Variants in MACROD2 observed in about 807,000 individuals in gnomAD.
The protein encoded by MACROD2 is ADP-ribose glycohydrolase MACROD2.
In MACROD2, 36 loss-of-function variants were observed where a neutral mutation model predicts 70.4. The observed-to-expected ratio is 0.51, with a 90% confidence interval of 0.39 to 0.68. The LOEUF (loss-of-function observed/expected upper bound fraction) is 0.68. MACROD2 is among the 30% of genes least tolerant of loss of function. The pLI, the probability that MACROD2 is intolerant of heterozygous loss-of-function variation, is 0.00. For synonymous variants in MACROD2, 172 were observed against 178.8 expected (o/e 0.96, Z 0.30); for missense variants, 496 against 538.4 (o/e 0.92, Z 0.78).
chr20:15,740,412 G>A (rs2051086885), intron 8 of MACROD2, among the ~76,000 whole-genome samples: 1 of 152,150 alleles, frequency 6.6e-6, no homozygotes, highest in African/African-American at 2.4e-5. Flanking sequence ...GAAGATGAGA[G>A]AGAAGACAGA....
chr20:14,173,803 C>G (rs1261976355), intron 3 of MACROD2, among the ~76,000 whole-genome samples: 1 of 152,186 alleles, frequency 6.6e-6, no homozygotes, highest in Non-Finnish European at 1.5e-5. Flanking sequence ...TGCTGTCCCA[C>G]AGGGTGCTCC....
intron 12 of MACROD2, among the ~76,000 whole-genome samples, chr20:15,939,246 G>A (rs2065713955): frequency 6.6e-6 from 1 of 152,172 alleles, no homozygotes; most frequent in Non-Finnish European, 1.5e-5. Flanking sequence ...TGGATGATGA[G>A]GCCATTTAGC....
At chr20:15,192,923 G>A (rs2145917122) in intron 5 of MACROD2, among the ~76,000 whole-genome samples, 1 of 152,302 alleles carries the variant, frequency 6.6e-6, no homozygotes, top group East Asian at 1.9e-4. Flanking sequence ...TAACTCCGCA[G>A]TGAATTTTTG....
intron 8 of MACROD2, among the ~76,000 whole-genome samples, chr20:15,672,225 A>C (rs370842053): frequency 6.6e-6 from 1 of 152,218 alleles, no homozygotes; most frequent in Admixed American, 6.5e-5. Context: ...ATTTATAATT[A>C]TATTAGCTTT....
At chr20:14,739,944 G>A (rs903473154) in intron 5 of MACROD2, among the ~76,000 whole-genome samples, 10 of 151,904 alleles carry the variant, frequency 6.6e-5, no homozygotes, top group African/African-American at 2.4e-4. Context: ...ATGTAAAGTA[G>A]GAATCTATAT....
chr20:15,732,574 T>C (rs2146952464), intron 8 of MACROD2, among the ~76,000 whole-genome samples: 1 of 152,352 alleles, frequency 6.6e-6, no homozygotes, highest in African/African-American at 2.4e-5. Context: ...TTTAATGAAT[T>C]AGAATAATTT....
chr20:15,822,254 C>A (rs549124158), intron 8 of MACROD2, among the ~76,000 whole-genome samples: 7 of 152,028 alleles, frequency 4.6e-5, no homozygotes, highest in African/African-American at 1.7e-4. Flanking sequence ...ACCTTTGTGG[C>A]GTACACTTAC....
intron 2 of MACROD2, among the ~76,000 whole-genome samples, chr20:14,016,206 T>G (rs1276305497): frequency 6.6e-6 from 1 of 152,226 alleles, no homozygotes; most frequent in East Asian, 1.9e-4. Context: ...TATAGATGCT[T>G]ATTGGCCATG....
intron 3 of MACROD2, chr20:14,337,524 C>A: frequency 2.5e-6 from 1 of 398,666 alleles, no homozygotes; most frequent in East Asian, 3.6e-5. Flanking sequence ...CCACACAAAG[C>A]CCACGGCAGC....
At chr20:14,159,157 G>A (rs1456581030) in intron 3 of MACROD2, among the ~76,000 whole-genome samples, 1 of 152,148 alleles carries the variant, frequency 6.6e-6, no homozygotes, top group Non-Finnish European at 1.5e-5. Flanking sequence ...AGAATCACTT[G>A]AACTCAGGAG....
intron 5 of MACROD2, among the ~76,000 whole-genome samples, chr20:15,044,273 GTTC>G (rs2075376584): frequency 1.3e-5 from 2 of 152,246 alleles, no homozygotes; most frequent in South Asian, 2.1e-4. Flanking sequence ...AACCAAAGAG[GTTC>G]TTCTTACTCC....
chr20:14,420,264 T>G (rs1253392984), intron 3 of MACROD2, among the ~76,000 whole-genome samples: 1 of 151,992 alleles, frequency 6.6e-6, no homozygotes, highest in African/African-American at 2.4e-5. Context: ...GGTAGTTCTA[T>G]GTTTAACTTT....
Position 15,348,373 on chromosome 20 carries a change from T to C in MACROD2, c.541-83032T>C, listed in dbSNP as rs188340408. Among the ~76,000 whole-genome samples the C allele has an allele frequency of 3.3e-5, 5 of 152,338 alleles. No homozygotes were observed. In the South Asian group the frequency reaches 8.3e-4, roughly 25 times the overall value. The stretch of plus-strand genomic sequence containing the variant: ...AATAATGCAAGAGGTAAACTTGTAC[T>C]GTATTAAGCCTCTGAAATTTGAGGT... On this transcript the variant is annotated intron_variant, in intron 6 of 17. Coordinates refer to ENST00000684519, the MANE Select transcript of MACROD2 (RefSeq NM_001351661.2).
intron 13 of MACROD2, among the ~76,000 whole-genome samples, chr20:15,981,325 G>T (rs111299769): frequency 1.3e-5 from 2 of 151,166 alleles, no homozygotes; most frequent in African/African-American, 2.5e-5. Flanking sequence ...TTGCGGTATC[G>T]TTATACAGTT....
intron 11 of MACROD2, among the ~76,000 whole-genome samples, chr20:15,936,045 A>G (rs1325803195): frequency 6.6e-6 from 1 of 152,108 alleles, no homozygotes; most frequent in East Asian, 1.9e-4. Context: ...AGGCTAGAAA[A>G]TAAGTGATTT....
intron 8 of MACROD2, among the ~76,000 whole-genome samples, chr20:15,663,710 T>G (rs1053261183): frequency 5.3e-5 from 8 of 152,170 alleles, no homozygotes; most frequent in African/African-American, 9.7e-5. Flanking sequence ...CTTTCAAAAT[T>G]GCTAAACAAA....
intron 3 of MACROD2, among the ~76,000 whole-genome samples, chr20:14,193,613 C>A (rs540470638): frequency 2.6e-5 from 4 of 152,168 alleles, no homozygotes; most frequent in African/African-American, 7.2e-5. Context: ...TAGTGTTGCC[C>A]GGGTCAAGTA....
chr20:14,423,690 ACT>A (rs1300611092), intron 3 of MACROD2, among the ~76,000 whole-genome samples: 1 of 110,484 alleles, frequency 9.1e-6, no homozygotes, highest in East Asian at 2.7e-4. Flanking sequence ...ACAGAGCGAG[ACT>A]CTGTCTCAAA....
In MACROD2 at chr20:14,233,028, G is replaced by A. The variant is rs531925316; in HGVS notation, c.271+147300G>A. 5.3e-5 allele frequency among the ~76,000 whole-genome samples: 8 copies of A among 152,342 alleles called. No homozygotes were observed. The South Asian group carries it at 1.7e-3, about 32-fold the overall frequency. ...TGTCTCAGGGAATAGGGAGGCTGGA[G>A]GAGAGGGAGAGATATGGATAATGGC... On this transcript the variant is annotated intron_variant, in intron 3 of 17. Coordinates refer to ENST00000684519, the MANE Select transcript of MACROD2 (RefSeq NM_001351661.2).
Sources: gnomAD v4.1 joint callset for allele counts (sites outside exome capture counted in the v4.1 genomes callset) on GRCh38, gnomAD v4.1.1 for gene constraint, MANE v1.5 for transcripts, NCBI Gene and HGNC (gene_info 2026-07-23, HGNC 2026-07-21) for gene names.